Variants in DMD observed in about 807,000 individuals in gnomAD.
The protein encoded by DMD is dystrophin, also known as mutant dystrophin.
In DMD, 63 loss-of-function variants were observed where a neutral mutation model predicts 330.1. The observed-to-expected ratio is 0.19, with a 90% CI of 0.16 to 0.24. The LOEUF (loss-of-function observed/expected upper bound fraction) is 0.24, where lower values mean the gene tolerates loss of function less well. Among genes scored for constraint, DMD ranks in the 10% least tolerant of loss-of-function variants. The pLI, the probability that DMD is intolerant of heterozygous loss-of-function variation, is 1.00. For synonymous variants in DMD, 1,223 were observed against 959.8 expected, an observed-to-expected ratio of 1.27 and a Z score of -5.07; for missense variants, 3,344 against 2,684.1, an observed-to-expected ratio of 1.25 and a Z score of -5.43.
intron 12 of DMD, among the ~76,000 whole-genome samples, chrX:32,601,856 CAATAT>C (rs1157875412): frequency 5.4e-5 from 6 of 111,790 alleles, no homozygotes. Flanking sequence ...GCCTGGAAAA[CAATAT>C]AAATTCCAAA....
chrX:31,811,820 A>C (rs927700742), intron 50 of DMD, among the ~76,000 whole-genome samples: 1 of 111,784 alleles, frequency 8.9e-6, no homozygotes, highest in Non-Finnish European at 1.9e-5. Context: ...CTGAAGCAGA[A>C]TCAACAGTGG....
At chrX:32,486,848 A>G (rs1164733732) in intron 20 of DMD, among the ~76,000 whole-genome samples, 17 of 106,301 alleles carry the variant, frequency 1.6e-4, no homozygotes, top group African/African-American at 1.7e-4. Context: ...ACAAAAATCA[A>G]TTCAAGATGG....
intron 51 of DMD, among the ~76,000 whole-genome samples, chrX:31,767,168 T>C (rs1313960281): frequency 8.9e-6 from 1 of 111,895 alleles, no homozygotes; most frequent in Non-Finnish European, 1.9e-5. Flanking sequence ...GCCAAACAGA[T>C]TACAACATTA....
intron 54 of DMD, among the ~76,000 whole-genome samples, chrX:31,656,579 A>G (rs2080799424): frequency 8.9e-6 from 1 of 112,056 alleles, no homozygotes; most frequent in African/African-American, 3.2e-5. Context: ...TTTGAGAAGC[A>G]GATATTTCCC....
In DMD at chrX:32,438,457, T is replaced by C. The variant is rs922199801; in HGVS notation, c.3922-67A>G. On this transcript the variant is annotated intron_variant, in intron 28 of 78. Coordinates refer to ENST00000357033, the MANE Select transcript of DMD (RefSeq NM_004006.3). ...CTAAATACATTGGATTATCAGCAAA[T>C]GCTCAGTATCTTCTGATTTACATAT... 27 of 1,115,119 alleles carry C rather than the reference T, an allele frequency of 2.4e-5. No homozygotes were observed. The African/African-American group carries it at 4.3e-4, about 18-fold the overall frequency. 91.9% of individuals were successfully genotyped at this position (1,115,119 alleles called of 1,213,427 possible).
chrX:31,995,975 G>A (rs1297961277), intron 44 of DMD, among the ~76,000 whole-genome samples: 2 of 111,879 alleles, frequency 1.8e-5, no homozygotes, highest in Non-Finnish European at 3.8e-5. Flanking sequence ...TTGCATGTCT[G>A]CATTTCCTTT....
intron 1 of DMD, among the ~76,000 whole-genome samples, chrX:33,090,640 C>T (rs189456988): frequency 0.013 from 1,436 of 109,148 alleles, 12 homozygotes; most frequent in Non-Finnish European, 0.02. Context: ...TTAAAAAAAT[C>T]AGCTATTAGA....
Position 32,730,556 on chromosome X carries a change from T to G in DMD, c.650-31263A>C, listed in dbSNP as rs994189716. 3.6e-5 allele frequency among the ~76,000 whole-genome samples: 4 copies of G among 111,675 alleles called. No homozygotes were observed. In the East Asian group the frequency reaches 1.1e-3, roughly 32 times the overall value. On this transcript the variant is annotated intron_variant, in intron 7 of 78. Coordinates refer to ENST00000357033, the MANE Select transcript of DMD (RefSeq NM_004006.3). ...GCAATAGGAATGACGTTGAATCACA[T>G]TTTGGAAATAGTAAGATGTTTGCCC...
chrX:32,661,591 T>C (rs1428827803), intron 9 of DMD, among the ~76,000 whole-genome samples: 2 of 111,697 alleles, frequency 1.8e-5, no homozygotes, highest in African/African-American at 3.2e-5. Flanking sequence ...AAAATCAAAA[T>C]ATAATAATGT....
chrX:31,967,879 G>A (rs1428314796), intron 45 of DMD, among the ~76,000 whole-genome samples: 1 of 111,621 alleles, frequency 9.0e-6, no homozygotes, highest in Non-Finnish European at 1.9e-5. Context: ...CTTCAAGAAT[G>A]TATTCACAAA....
rs72468627 is a variant in DMD at position 32,348,550 on chromosome X, C to A, written c.5326-22G>T. ...AGGCCTAAAAAAAAAGATAGTGCTACTTTAAATCAAAATTACTTTTTATTA... is the reference window on the plus strand; with the variant it reads ...AGGCCTAAAAAAAAAGATAGTGCTAATTTAAATCAAAATTACTTTTTATTA... On this transcript the variant is annotated intron_variant, in intron 37 of 78. Transcript: ENST00000357033. 2.4e-3 allele frequency: 2,838 copies of A among 1,173,096 alleles called. 73 individuals are homozygous for A. In the East Asian group the frequency reaches 0.073, roughly 30 times the overall value.
chrX:31,326,994 A>AT (rs2056828571), intron 61 of DMD, among the ~76,000 whole-genome samples: 1 of 112,236 alleles, frequency 8.9e-6, no homozygotes, highest in Admixed American at 9.4e-5. Context: ...TGATGTGTCC[A>AT]TTTTTAGTAG....
At chrX:32,329,207 T>C (rs2097666826) in intron 41 of DMD, among the ~76,000 whole-genome samples, 1 of 112,156 alleles carries the variant, frequency 8.9e-6, no homozygotes, top group Non-Finnish European at 1.9e-5. Context: ...CATTTGCAGA[T>C]TGCAGTAAAT....
At chrX:31,789,299 G>T (rs5927041) in intron 50 of DMD, among the ~76,000 whole-genome samples, 14,806 of 109,724 alleles carry the variant, frequency 0.13, 867 homozygotes, top group East Asian at 0.25. Context: ...TACATCTTAC[G>T]TAAGGGTTTT....
At chrX:32,985,571 T>G (rs2092822977) in intron 2 of DMD, among the ~76,000 whole-genome samples, 1 of 111,872 alleles carries the variant, frequency 8.9e-6, no homozygotes, top group Non-Finnish European at 1.9e-5. Flanking sequence ...CCGGAGAACC[T>G]TAACCTATTT....
At chrX:33,249,999 C>T (rs1202225938) in intron 1 of DMD, among the ~76,000 whole-genome samples, 1 of 105,158 alleles carries the variant, frequency 9.5e-6, no homozygotes, top group Non-Finnish European at 1.9e-5. Context: ...GGATATTATA[C>T]TGCTAACATT....
chrX:32,616,607 G>A (rs1228869199), intron 11 of DMD, among the ~76,000 whole-genome samples: 2 of 107,772 alleles, frequency 1.9e-5, no homozygotes, highest in Non-Finnish European at 3.8e-5. Flanking sequence ...TTACTATCTG[G>A]CACTACCAAA....
At chrX:32,026,708 G>T (rs760921754) in intron 44 of DMD, among the ~76,000 whole-genome samples, 1 of 111,912 alleles carries the variant, frequency 8.9e-6, no homozygotes, top group African/African-American at 3.2e-5. Context: ...GTATGTATAC[G>T]TAAGAGGTTA....
At chrX:31,919,179 CAATA>C (rs2094652922) in intron 47 of DMD, among the ~76,000 whole-genome samples, 1 of 111,583 alleles carries the variant, frequency 9.0e-6, no homozygotes, top group African/African-American at 3.3e-5. Flanking sequence ...GAAAATAAAA[CAATA>C]AAGCAACCTC....
Sources: gnomAD v4.1 joint callset for allele counts (sites outside exome capture counted in the v4.1 genomes callset) on GRCh38, gnomAD v4.1.1 for gene constraint, MANE v1.5 for transcripts, NCBI Gene and HGNC (gene_info 2026-07-23, HGNC 2026-07-21) for gene names.